Variants in ROR1 observed in about 807,000 individuals in gnomAD.
The protein encoded by ROR1 is inactive tyrosine-protein kinase transmembrane receptor ROR1.
Under a neutral mutation model 78.8 loss-of-function variants are expected in ROR1, and 19 were observed. That is an observed-to-expected ratio of 0.24 (90% CI 0.17 to 0.35). The LOEUF (loss-of-function observed/expected upper bound fraction) is 0.35. ROR1 is among the 10% of genes least tolerant of loss of function. The pLI, the probability that ROR1 is intolerant of heterozygous loss-of-function variation, is 1.00. For synonymous variants in ROR1, 386 were observed against 433.6 expected (o/e 0.89, Z 1.36); for missense variants, 917 against 1,177.8 (o/e 0.78, Z 3.24).
intron 4 of ROR1, among the ~76,000 whole-genome samples, chr1:64,063,684 T>C (rs1646934601): frequency 6.6e-6 from 1 of 151,904 alleles, no homozygotes; most frequent in African/African-American, 2.4e-5. Flanking sequence ...CAGTCACACA[T>C]GCTCCAGAAG....
chr1:63,993,200 T>C (rs868106844), intron 1 of ROR1, among the ~76,000 whole-genome samples: 1 of 152,218 alleles, frequency 6.6e-6, no homozygotes, highest in Non-Finnish European at 1.5e-5. Context: ...CAACCTGAGA[T>C]GTTCATTTCT....
At chr1:64,137,032 A>G (rs576009043) in intron 4 of ROR1, among the ~76,000 whole-genome samples, 1 of 152,320 alleles carries the variant, frequency 6.6e-6, no homozygotes, top group South Asian at 2.1e-4. Context: ...AAAAAACTGT[A>G]GAACATGTGC....
In ROR1 at chr1:64,180,778, T is replaced by A. The variant is rs1326375173; in HGVS notation, c.*1923T>A. The A allele has an allele frequency of 6.6e-6, 1 of 152,152 alleles. No individual in the cohort carries two copies. Among genetic ancestry groups the A allele is most frequent in the Non-Finnish European group, 1.5e-5 (1 of 67,974 alleles). The allele number at this position is 152,152 out of a possible 1,614,324, so 9.4% of individuals were successfully genotyped here. A position where few individuals can be genotyped will look rare whatever the true frequency, so the allele number is the denominator to read the frequency against. The stretch of plus-strand genomic sequence containing the variant: ...TATTATTTTAAGTACACAATTTCAG[T>A]GAATCTTGAGTTTTTCTAGGAGTCC... On this transcript the variant is annotated 3_prime_UTR_variant, in exon 9 of 9. Coordinates refer to ENST00000371079, the MANE Select transcript of ROR1 (RefSeq NM_005012.4).
intron 1 of ROR1, among the ~76,000 whole-genome samples, chr1:63,817,983 A>G (rs1362994343): frequency 2.0e-5 from 3 of 152,206 alleles, no homozygotes; most frequent in African/African-American, 4.8e-5. Context: ...GTGGGCATTT[A>G]CAGAGGCTCT....
intron 2 of ROR1, among the ~76,000 whole-genome samples, chr1:64,041,226 A>G (rs1646743313): frequency 6.6e-6 from 1 of 152,132 alleles, no homozygotes; most frequent in South Asian, 2.1e-4. Flanking sequence ...GACAAAATGC[A>G]ATAATACATG....
At chr1:63,782,020 G>T (rs905613274) in intron 1 of ROR1, among the ~76,000 whole-genome samples, 2 of 152,144 alleles carry the variant, frequency 1.3e-5, no homozygotes. Flanking sequence ...GAACTATAGC[G>T]CTCCTAGAAC....
intron 2 of ROR1, among the ~76,000 whole-genome samples, chr1:64,026,982 A>G (rs1042708128): frequency 6.6e-6 from 1 of 152,224 alleles, no homozygotes; most frequent in Non-Finnish European, 1.5e-5. Flanking sequence ...GTCATAATAT[A>G]TTAATACCAA....
At chr1:63,796,820 C>A (rs1644764302) in intron 1 of ROR1, among the ~76,000 whole-genome samples, 1 of 152,150 alleles carries the variant, frequency 6.6e-6, no homozygotes, top group African/African-American at 2.4e-5. Context: ...AATGGCAATG[C>A]ACCGAGCCCT....
chr1:64,071,459 A>G (rs1647002904), intron 4 of ROR1, among the ~76,000 whole-genome samples: 1 of 152,144 alleles, frequency 6.6e-6, no homozygotes, highest in African/African-American at 2.4e-5. Context: ...GTGAAGGTTT[A>G]AATTATATAA....
At chr1:63,871,609 T>A (rs1467703320) in intron 1 of ROR1, among the ~76,000 whole-genome samples, 1 of 152,200 alleles carries the variant, frequency 6.6e-6, no homozygotes, top group East Asian at 1.9e-4. Flanking sequence ...CCCAACTTGG[T>A]AGAACATTTG....
rs192669980 is a variant in ROR1, at chr1:63,851,334, A to G, written c.91+76826A>G. Among the ~76,000 whole-genome samples the G allele has an allele frequency of 6.6e-5, 10 of 152,312 alleles. 1 individual carries two copies. Among genetic ancestry groups the G allele is most frequent in the African/African-American group, 1.4e-4 (6 of 41,576 alleles). On this transcript the variant is annotated intron_variant, in intron 1 of 8. Coordinates refer to ENST00000371079, the MANE Select transcript of ROR1 (RefSeq NM_005012.4). ...AGATTGCATTAGTCATTCCTTCTTC[A>G]AGAGCAGATTTTCTTTTCTGCTTTC...
chr1:64,139,255 A>G (rs949571056), intron 5 of ROR1, among the ~76,000 whole-genome samples: 2 of 151,532 alleles, frequency 1.3e-5, no homozygotes, highest in Non-Finnish European at 2.9e-5. Flanking sequence ...GAGATTTCTA[A>G]TGGGTATCAG....
chr1:64,148,345 G>A (rs1247642879), intron 7 of ROR1, among the ~76,000 whole-genome samples: 1 of 152,170 alleles, frequency 6.6e-6, no homozygotes, highest in East Asian at 1.9e-4. Context: ...GTTTTTGTGT[G>A]TGTAAACAGA....
intron 1 of ROR1, among the ~76,000 whole-genome samples, chr1:63,977,733 T>G (rs1188544012): frequency 6.6e-6 from 1 of 152,162 alleles, no homozygotes; most frequent in Non-Finnish European, 1.5e-5. Context: ...TGGCCAACTT[T>G]AAGAATCAAA....
intron 1 of ROR1, among the ~76,000 whole-genome samples, chr1:63,875,225 A>G (rs1645277615): frequency 6.6e-6 from 1 of 152,068 alleles, no homozygotes; most frequent in African/African-American, 2.4e-5. Flanking sequence ...GAGTAAATAA[A>G]TTAGTTTGTG....
intron 1 of ROR1, among the ~76,000 whole-genome samples, chr1:63,903,418 T>C (rs1645501629): frequency 6.6e-6 from 1 of 152,148 alleles, no homozygotes; most frequent in Non-Finnish European, 1.5e-5. Flanking sequence ...TTTATTTAGT[T>C]TGTCTTCCAT....
At chr1:64,076,330 A>G (rs962549857) in intron 4 of ROR1, among the ~76,000 whole-genome samples, 31 of 152,214 alleles carry the variant, frequency 2.0e-4, no homozygotes, top group African/African-American at 7.2e-4. Context: ...AGCTAAGGGC[A>G]AAGGTGACCT....
At chr1:64,042,368 C>T (rs1646751673) in intron 2 of ROR1, among the ~76,000 whole-genome samples, 2 of 152,136 alleles carry the variant, frequency 1.3e-5, no homozygotes, top group South Asian at 4.1e-4. Context: ...ATTATTAGCC[C>T]ATTTCACATT....
chr1:64,163,211 C>A (rs887993615), intron 8 of ROR1, among the ~76,000 whole-genome samples: 1 of 138,642 alleles, frequency 7.2e-6, no homozygotes, highest in African/African-American at 2.8e-5. Context: ...TGGGGAAACC[C>A]CATCTCTACA....
Sources: gnomAD v4.1 joint callset for allele counts (sites outside exome capture counted in the v4.1 genomes callset) on GRCh38, gnomAD v4.1.1 for gene constraint, MANE v1.5 for transcripts, NCBI Gene and HGNC (gene_info 2026-07-23, HGNC 2026-07-21) for gene names.